HECTD4: variants seen among roughly 807,000 people sequenced by gnomAD.
HECTD4 encodes the protein probable E3 ubiquitin-protein ligase HECTD4.
HECTD4 carries 114 observed loss-of-function variants against 471.5 expected under a neutral mutation model. The observed-to-expected ratio is 0.24, with a 90% CI of 0.21 to 0.28. The LOEUF is 0.28. Ranked by LOEUF, HECTD4 falls within the 10% of genes least tolerant of loss-of-function variation. The probability of loss-of-function intolerance (pLI) is 1.00; values close to 1 mark genes in which losing one functional copy is unlikely to be tolerated. For synonymous variants in HECTD4, 2,012 were observed against 2,256.0 expected (o/e 0.89, Z 3.07); for missense variants, 3,866 against 5,651.5 (o/e 0.68, Z 10.13).
At chr12:112,230,549 TC>T in intron 40 of HECTD4, 137 bp downstream of exon 40, 2 of 1,047,334 alleles carry the variant, frequency 1.9e-6, no homozygotes, top group Non-Finnish European at 2.7e-6. Context: ...TAAAGCAACT[TC>T]CAGGGGAAAG....
intron 39 of HECTD4, 81 bp from the exon 40 acceptor site, chr12:112,230,903 G>C: frequency 3.0e-6 from 4 of 1,324,792 alleles, no homozygotes; most frequent in Non-Finnish European, 4.1e-6. Context: ...GTTAGCATCA[G>C]AGGAAAACCT....
chr12:112,206,465 A>C (rs1463709181), intron 52 of HECTD4, among the ~76,000 whole-genome samples: 1 of 151,966 alleles, frequency 6.6e-6, no homozygotes, highest in African/African-American at 2.4e-5. Context: ...ACTGTACTCC[A>C]GCCCAGTTAA....
intron 44 of HECTD4, 173 bp from the exon 45 acceptor site, chr12:112,219,662 C>T (rs931096773): frequency 2.1e-5 from 10 of 466,242 alleles, no homozygotes; most frequent in South Asian, 9.9e-5. Flanking sequence ...TGCAGTGGCG[C>T]GGTCCTGGCT....
At chr12:112,330,014 C>G (rs112518947) in intron 1 of HECTD4, among the ~76,000 whole-genome samples, 6,229 of 152,034 alleles carry the variant, frequency 0.041, 282 homozygotes, top group African/African-American at 0.11. Context: ...CAGTGGCTCA[C>G]GCCTATAATA....
At chr12:112,200,825 T>C (rs1292754138) in intron 54 of HECTD4, 27 bp from the exon 55 acceptor site, 10 of 1,601,240 alleles carry the variant, frequency 6.2e-6, no homozygotes, top group African/African-American at 1.3e-5. Context: ...AAATGTCTGT[T>C]TGTGCTGTTT....
chr12:112,346,583 C>A lies in HECTD4; in HGVS notation c.178-26841G>T, dbSNP rs564158414. ...CACTCCAAGACAAGCACAAACAAAA[C>A]CTAGACCATCTATAGTTGAAGCTAC... On this transcript the variant is annotated intron_variant, in intron 1 of 75. Transcript: ENST00000682272. Among the ~76,000 whole-genome samples the A allele has an allele frequency of 5.3e-5, 8 of 152,266 alleles. 1 individual carries two copies. In the East Asian group the frequency reaches 1.4e-3, roughly 26 times the overall value.
chr12:112,346,360 TTC>T (rs1049791936), intron 1 of HECTD4, among the ~76,000 whole-genome samples: 1 of 152,188 alleles, frequency 6.6e-6, no homozygotes, highest in Non-Finnish European at 1.5e-5. Flanking sequence ...AGAAATTCTT[TTC>T]TCTCTCTCCT....
At chr12:112,329,454 G>A (rs2035806882) in intron 1 of HECTD4, among the ~76,000 whole-genome samples, 2 of 149,040 alleles carry the variant, frequency 1.3e-5, no homozygotes, top group Non-Finnish European at 1.5e-5. Flanking sequence ...TGCAACCTCC[G>A]TCTCCTGGGT....
At chr12:112,351,354 C>T (rs567909731) in intron 1 of HECTD4, among the ~76,000 whole-genome samples, 4 of 152,296 alleles carry the variant, frequency 2.6e-5, no homozygotes, top group African/African-American at 9.6e-5. Flanking sequence ...ATGTGCAGGG[C>T]AGGGCAGGTT....
chr12:112,232,897 G>A (rs2033416440), intron 38 of HECTD4, 107 bp downstream of exon 38: 10 of 963,160 alleles, frequency 1.0e-5, no homozygotes, highest in Middle Eastern at 2.1e-4. Context: ...TTGCCTCTTC[G>A]TTGGAACTTG....
chr12:112,202,301 G>A (rs1187804380), intron 54 of HECTD4, among the ~76,000 whole-genome samples: 3 of 152,076 alleles, frequency 2.0e-5, no homozygotes, highest in Admixed American at 6.5e-5. Context: ...TGTCTCTGGG[G>A]TTCAAGCAAT....
chr12:112,249,145 A>G (rs1326744007), intron 25 of HECTD4, among the ~76,000 whole-genome samples: 1 of 152,156 alleles, frequency 6.6e-6, no homozygotes, highest in Non-Finnish European at 1.5e-5. Context: ...ACTTGAGGTC[A>G]GGAGTTTGAG....
chr12:112,182,648 A>C (rs1360207795), intron 62 of HECTD4, among the ~76,000 whole-genome samples: 1 of 152,264 alleles, frequency 6.6e-6, no homozygotes, highest in Non-Finnish European at 1.5e-5. Flanking sequence ...ACAAAAAGGA[A>C]AAAATGACTT....
chr12:112,182,930 C>G, intron 62 of HECTD4, 129 bp downstream of exon 62: 1 of 672,304 alleles, frequency 1.5e-6, no homozygotes, highest in Non-Finnish European at 2.5e-6. Context: ...TGCCAAATTT[C>G]TCTTTAATGC....
intron 62 of HECTD4, among the ~76,000 whole-genome samples, chr12:112,181,180 A>AT (rs2031656306): frequency 6.6e-6 from 1 of 151,822 alleles, no homozygotes; most frequent in Non-Finnish European, 1.5e-5. Context: ...AAAAAAAAAA[A>AT]TTAACGTAAA....
At chr12:112,282,878 T>C (rs1273043736) in intron 8 of HECTD4, among the ~76,000 whole-genome samples, 1 of 152,154 alleles carries the variant, frequency 6.6e-6, no homozygotes, top group Non-Finnish European at 1.5e-5. Context: ...TGATAAGGTG[T>C]TTACAGTTTA....
At chr12:112,299,185 A>AT (rs1311504368) in intron 7 of HECTD4, among the ~76,000 whole-genome samples, 2 of 152,010 alleles carry the variant, frequency 1.3e-5, no homozygotes, top group South Asian at 2.1e-4. Flanking sequence ...CTAGCCTCCT[A>AT]TTTTTTCTTT....
chr12:112,334,378 A>C (rs2035901156), intron 1 of HECTD4, among the ~76,000 whole-genome samples: 1 of 151,626 alleles, frequency 6.6e-6, no homozygotes, highest in South Asian at 2.1e-4. Flanking sequence ...GGACATGAAT[A>C]GACAATTCTC....
chr12:112,175,133 C>G (rs575881871), intron 66 of HECTD4, among the ~76,000 whole-genome samples: 2 of 152,218 alleles, frequency 1.3e-5, no homozygotes, highest in African/African-American at 4.8e-5. Context: ...GGGTAAGAAA[C>G]TGTTATGGGA....
Sources: allele counts gnomAD v4.1 joint callset (sites outside exome capture counted in the v4.1 genomes callset), GRCh38; gene constraint gnomAD v4.1.1; transcripts MANE v1.5; gene names NCBI Gene and HGNC (gene_info 2026-07-23, HGNC 2026-07-21).